ENAH: variants seen among roughly 807,000 people sequenced by gnomAD.
ENAH encodes the protein protein enabled homolog.
In ENAH, 23 loss-of-function variants were observed where a neutral mutation model predicts 78.7. The ratio of observed to expected loss-of-function variants is 0.29; its 90% confidence interval spans 0.21 to 0.41. ENAH has a LOEUF of 0.41. Among genes scored for constraint, ENAH ranks in the 10% least tolerant of loss-of-function variants. ENAH has a pLI of 1.00. For missense variants in ENAH, 544 were observed against 691.0 expected (o/e 0.79, Z 2.39); for synonymous variants, 226 against 241.0 (o/e 0.94, Z 0.58).
At chr1:225,541,959 G>A (rs903524584) in intron 3 of ENAH, among the ~76,000 whole-genome samples, 1 of 152,074 alleles carries the variant, frequency 6.6e-6, no homozygotes, top group Non-Finnish European at 1.5e-5. Flanking sequence ...CAGTGAAGTG[G>A]AACCTCAAAC....
chr1:225,621,806 A>C (rs999178155), intron 1 of ENAH, among the ~76,000 whole-genome samples: 1 of 152,166 alleles, frequency 6.6e-6, no homozygotes, highest in Non-Finnish European at 1.5e-5. Context: ...AGTTTCACCT[A>C]ATCAGAAATT....
intron 4 of ENAH, among the ~76,000 whole-genome samples, chr1:225,520,922 A>AAGGG (rs68163613): frequency 7.4e-4 from 45 of 60,852 alleles, no homozygotes; most frequent in East Asian, 1.1e-3. Flanking sequence ...GGAAGGGAGG[A>AAGGG]AGGGAGGGAG....
chr1:225,601,842 T>C (rs769270806), intron 1 of ENAH, among the ~76,000 whole-genome samples: 2 of 151,544 alleles, frequency 1.3e-5, no homozygotes, highest in Non-Finnish European at 2.9e-5. Context: ...AGGAAACATT[T>C]AGAAAATATA....
intron 3 of ENAH, among the ~76,000 whole-genome samples, chr1:225,548,844 C>G (rs968249382): frequency 8.1e-6 from 1 of 123,460 alleles, no homozygotes; most frequent in African/African-American, 3.2e-5. Flanking sequence ...ACTTAGTGAA[C>G]AGATTTTTTT....
intron 11 of ENAH, among the ~76,000 whole-genome samples, chr1:225,503,037 G>A (rs995673862): frequency 6.6e-6 from 1 of 152,036 alleles, no homozygotes; most frequent in Non-Finnish European, 1.5e-5. Flanking sequence ...ACTAGGCAAT[G>A]CAAAAATTAT....
chr1:225,600,842 AAT>A (rs2148002439), intron 1 of ENAH, among the ~76,000 whole-genome samples: 1 of 152,282 alleles, frequency 6.6e-6, no homozygotes, highest in Admixed American at 6.5e-5. Context: ...TTAAGAGGAA[AAT>A]ATATAGCTTT....
intron 11 of ENAH, among the ~76,000 whole-genome samples, chr1:225,505,405 T>A (rs934327620): frequency 6.6e-6 from 1 of 152,242 alleles, no homozygotes; most frequent in Non-Finnish European, 1.5e-5. Context: ...TAACCACAGA[T>A]GAATGCACCA....
At chr1:225,536,313 T>C (rs927100236) in intron 3 of ENAH, among the ~76,000 whole-genome samples, 1 of 151,978 alleles carries the variant, frequency 6.6e-6, no homozygotes. Flanking sequence ...AATGAGAAGG[T>C]GATGATCTAT....
At chr1:225,555,491 A>T (rs981426556) in intron 2 of ENAH, among the ~76,000 whole-genome samples, 2 of 152,118 alleles carry the variant, frequency 1.3e-5, no homozygotes, top group African/African-American at 4.8e-5. Flanking sequence ...CTGAGGCAAG[A>T]AAATGGCGTG....
intron 3 of ENAH, among the ~76,000 whole-genome samples, chr1:225,542,265 A>G (rs1238257273): frequency 2.1e-4 from 32 of 152,236 alleles, no homozygotes; most frequent in Non-Finnish European, 1.5e-5. Context: ...AAATGTTTGG[A>G]AAGACTGCAA....
rs148381397 is a variant in ENAH, at chr1:225,519,339, G to A, written c.661C>T (p.Arg221Cys). The A allele has an allele frequency of 1.4e-5, 21 of 1,480,144 alleles. No homozygotes were observed. The highest frequency in any genetic ancestry group is 3.0e-5 in the African/African-American group (2 of 66,854). The allele number at this position is 1,480,144 out of a possible 1,614,324, so 91.7% of individuals were successfully genotyped here. A position where few individuals can be genotyped will look rare whatever the true frequency, so the allele number is the denominator to read the frequency against. ...ERQERLERQERLDRERQERQE... is the reference protein window; with the variant it reads ...ERQERLERQECLDRERQERQE... ...CTTTCTTGCCTCTCCCGATCCAGGC[G>A]TTCCTGCCGCTCCAGGCGTTCCTGC... is the stretch of plus-strand genomic sequence containing the variant. The change falls in exon 5 of 14, where the codon CGC becomes TGC. Residue 221 changes from arginine to cysteine, a missense_variant. Transcript: ENST00000366843.
chr1:225,489,975 A>C lies in ENAH; in HGVS notation c.*7800T>G, dbSNP rs187326341. ...ATAATAATAATAACAATAATAATAA[A>C]AAGCTTTATCTATCCTTGCTTGTAT... On this transcript the variant is annotated 3_prime_UTR_variant, in exon 14 of 14. Transcript: ENST00000366843. 2 of 152,090 alleles carry C rather than the reference A, an allele frequency of 1.3e-5. No homozygotes were observed. Among genetic ancestry groups the C allele is most frequent in the Non-Finnish European group, 2.9e-5 (2 of 68,026 alleles). The allele number at this position is 152,090 out of a possible 1,614,324, so 9.4% of individuals were successfully genotyped here.
intron 3 of ENAH, among the ~76,000 whole-genome samples, chr1:225,554,113 A>G (rs1025539632): frequency 3.3e-5 from 5 of 152,158 alleles, no homozygotes; most frequent in African/African-American, 9.7e-5. Context: ...TAAAATATAT[A>G]TTGTTTACAG....
chr1:225,524,777 T>A, intron 4 of ENAH: 3 of 504,310 alleles, frequency 5.9e-6, no homozygotes, highest in Non-Finnish European at 7.7e-6. Flanking sequence ...ATTAACTATA[T>A]TAAGGTTCTA....
At chr1:225,571,354 C>A (rs1275145469) in intron 1 of ENAH, among the ~76,000 whole-genome samples, 1 of 151,308 alleles carries the variant, frequency 6.6e-6, no homozygotes, top group African/African-American at 2.4e-5. Context: ...GCCTGGGCGA[C>A]AGAGTGAGAC....
intron 2 of ENAH, among the ~76,000 whole-genome samples, chr1:225,561,260 A>G (rs1345097386): frequency 2.0e-5 from 3 of 151,836 alleles, no homozygotes; most frequent in African/African-American, 7.3e-5. Flanking sequence ...TTTAATCTGA[A>G]TTAATTCTTT....
chr1:225,585,811 G>GA (rs1488561281), intron 1 of ENAH, among the ~76,000 whole-genome samples: 2 of 151,698 alleles, frequency 1.3e-5, no homozygotes, highest in Non-Finnish European at 2.9e-5. Context: ...AAATAAATAA[G>GA]AAAAAAATCA....
Position 225,576,352 on chromosome 1 carries a change from G to A in ENAH, c.6-8938C>T, listed in dbSNP as rs543226781. On this transcript the variant is annotated intron_variant, in intron 1 of 13. Transcript: ENST00000366843. ...AAATGTATTCATTATAATTGTACTT[G>A]TAAGTCTGCAATCTAAATATTATAT... Among the ~76,000 whole-genome samples, 10 of 151,112 alleles carry A rather than the reference G, an allele frequency of 6.6e-5. No homozygotes were observed. The South Asian group carries it at 2.1e-3, about 32-fold the overall frequency.
rs74149835 is a variant in ENAH, at chr1:225,530,335, T to C, written c.434+219A>G. On this transcript the variant is annotated intron_variant, in intron 4 of 13. Transcript: ENST00000366843. ...TTTTAAACATACCTTAAGTATAATT[T>C]TTACAAAAAAAAACACATATGAAAT... Among the ~76,000 whole-genome samples the C allele has an allele frequency of 0.092, 13,959 of 152,110 alleles. 709 individuals carry two copies. The highest frequency in any genetic ancestry group is 0.15 in the Admixed American group (2,234 of 15,274).
Sources: gnomAD v4.1 joint callset for allele counts (sites outside exome capture counted in the v4.1 genomes callset) on GRCh38, gnomAD v4.1.1 for gene constraint, MANE v1.5 for transcripts, NCBI Gene and HGNC (gene_info 2026-07-23, HGNC 2026-07-21) for gene names.